Variants in CSMD3 observed in about 807,000 individuals in gnomAD.
CSMD3 encodes CUB and sushi domain-containing protein 3.
Under a neutral mutation model 435.2 loss-of-function variants are expected in CSMD3, and 177 were observed. The observed-to-expected ratio is 0.41, with a 90% CI of 0.36 to 0.46. CSMD3 has a LOEUF of 0.46. CSMD3 is among the 20% of genes least tolerant of loss of function. CSMD3 has a pLI of 0.34. For missense variants in CSMD3, 4,265 were observed against 4,504.6 expected, an observed-to-expected ratio of 0.95 and a Z score of 1.52; for synonymous variants, 1,656 against 1,520.5, an observed-to-expected ratio of 1.09 and a Z score of -2.07.
chr8:113,384,877 C>T (rs1250007572), intron 1 of CSMD3, among the ~76,000 whole-genome samples: 1 of 152,054 alleles, frequency 6.6e-6, no homozygotes, highest in Non-Finnish European at 1.5e-5. Flanking sequence ...TTGCAGAGTC[C>T]CAGCCTGGGC....
chr8:113,167,649 G>T (rs1214068409), intron 4 of CSMD3, among the ~76,000 whole-genome samples: 2 of 152,180 alleles, frequency 1.3e-5, no homozygotes, highest in African/African-American at 4.8e-5. Flanking sequence ...AGGGAGTGTT[G>T]AAGCAGCACC....
chr8:112,283,838 G>T (rs773034803), intron 58 of CSMD3, among the ~76,000 whole-genome samples: 1 of 151,504 alleles, frequency 6.6e-6, no homozygotes, highest in South Asian at 2.1e-4. Flanking sequence ...ATTTTAGTAG[G>T]GTGACTGTAA....
At chr8:113,217,955 A>G (rs1014880677) in intron 3 of CSMD3, among the ~76,000 whole-genome samples, 1 of 151,380 alleles carries the variant, frequency 6.6e-6, no homozygotes, top group African/African-American at 2.4e-5. Context: ...AAACTCAGCT[A>G]GAAAACAAAA....
chr8:112,474,408 T>A lies in CSMD3; in HGVS notation c.5279-1701A>T, dbSNP rs1442104721. On this transcript the variant is annotated intron_variant, in intron 31 of 70. Transcript: ENST00000297405. ...TATGACTATAAATTGGAGGGGAATG[T>A]ATAAAGTAGTTTGGAGATGCAAAGT... is the stretch of plus-strand genomic sequence containing the variant. Among the ~76,000 whole-genome samples, 3 of 152,104 alleles carry A rather than the reference T, an allele frequency of 2.0e-5. No homozygotes were observed. The East Asian group carries it at 5.8e-4, about 29-fold the overall frequency.
rs1297937058 is a variant in CSMD3, at chr8:113,395,602, C to A, written c.178+41075G>T. 2.6e-5 allele frequency among the ~76,000 whole-genome samples: 3 copies of A among 116,598 alleles called. No homozygotes were observed. In the South Asian group the frequency reaches 8.6e-4, roughly 33 times the overall value. 76.5% of individuals were successfully genotyped at this position (116,598 alleles called of 152,430 possible). ...CCAGCCTGGGTAACCGAGTGAGACTCCGTCTCAAAAAAAAAAAAAAAAAAA... is the reference window on the plus strand; with the variant it reads ...CCAGCCTGGGTAACCGAGTGAGACTACGTCTCAAAAAAAAAAAAAAAAAAA... On this transcript the variant is annotated intron_variant, in intron 1 of 70. Transcript: ENST00000297405.
chr8:112,780,780 G>A (rs554512158), intron 13 of CSMD3, among the ~76,000 whole-genome samples: 1 of 152,168 alleles, frequency 6.6e-6, no homozygotes, highest in East Asian at 1.9e-4. Flanking sequence ...ACCAATCCTG[G>A]CCAGAAGGGA....
chr8:112,276,916 C>T (rs1479366556), intron 59 of CSMD3, among the ~76,000 whole-genome samples: 1 of 151,882 alleles, frequency 6.6e-6, no homozygotes, highest in Admixed American at 6.6e-5. Context: ...GGATGCAGGG[C>T]ACCAAGTTCC....
chr8:112,418,172 G>C (rs961692790), intron 32 of CSMD3, among the ~76,000 whole-genome samples: 1 of 152,116 alleles, frequency 6.6e-6, no homozygotes, highest in Non-Finnish European at 1.5e-5. Context: ...TTCACTATGT[G>C]TGAAATCATA....
chr8:113,139,286 G>A (rs920232486), intron 4 of CSMD3, among the ~76,000 whole-genome samples: 2 of 150,784 alleles, frequency 1.3e-5, no homozygotes, highest in African/African-American at 2.4e-5. Flanking sequence ...ATAAATATAA[G>A]AGATTTTTCT....
chr8:113,432,266 T>A (rs1311112751), intron 1 of CSMD3, among the ~76,000 whole-genome samples: 1 of 152,198 alleles, frequency 6.6e-6, no homozygotes, highest in African/African-American at 2.4e-5. Flanking sequence ...TCAAGCCCTG[T>A]CAGTCCGGTA....
chr8:112,374,414 G>A (rs552468907), intron 38 of CSMD3, among the ~76,000 whole-genome samples: 1 of 151,496 alleles, frequency 6.6e-6, no homozygotes, highest in African/African-American at 2.4e-5. Context: ...TTAATTTAGG[G>A]CCACTGACTT....
At chr8:112,310,375 A>G (rs921219963) in intron 50 of CSMD3, 2 of 154,094 alleles carry the variant, frequency 1.3e-5, no homozygotes, top group Admixed American at 6.4e-5. Context: ...AAAACTCTAA[A>G]ACATGCAATT....
chr8:112,972,852 A>T (rs1273103199), intron 7 of CSMD3, among the ~76,000 whole-genome samples: 1 of 151,950 alleles, frequency 6.6e-6, no homozygotes, highest in Non-Finnish European at 1.5e-5. Flanking sequence ...GAAAATTTAT[A>T]GGGCTGATGA....
At chr8:112,717,072 A>T (rs2076748276) in intron 13 of CSMD3, among the ~76,000 whole-genome samples, 1 of 152,204 alleles carries the variant, frequency 6.6e-6, no homozygotes, top group Non-Finnish European at 1.5e-5. Flanking sequence ...GACAAATGGG[A>T]TCTAATTAAG....
intron 7 of CSMD3, among the ~76,000 whole-genome samples, chr8:112,959,214 T>C (rs2084141339): frequency 6.6e-6 from 1 of 152,056 alleles, no homozygotes; most frequent in Admixed American, 6.6e-5. Flanking sequence ...TTAGAAATAA[T>C]TAACTTTCAT....
intron 7 of CSMD3, among the ~76,000 whole-genome samples, chr8:112,960,799 G>T (rs1480083160): frequency 6.6e-6 from 1 of 151,674 alleles, no homozygotes; most frequent in Non-Finnish European, 1.5e-5. Flanking sequence ...TGATGGAACT[G>T]AACTAGTTAA....
Position 112,977,560 on chromosome 8 carries a change from A to G in CSMD3, c.1031-1412T>C, listed in dbSNP as rs368085611. 4.6e-5 allele frequency among the ~76,000 whole-genome samples: 7 copies of G among 152,034 alleles called. No individual in the cohort carries two copies. The East Asian group carries it at 1.3e-3, about 29-fold the overall frequency. On this transcript the variant is annotated intron_variant, in intron 6 of 70. Transcript: ENST00000297405. ...ATTCAAAAAGGAAGAAAGGAAGTCA[A>G]ACCTGGAGCCCCTCACTCACAGGCA...
chr8:112,639,502 C>T lies in CSMD3; in HGVS notation c.3311-591G>A, dbSNP rs112267913. 7.1e-3 allele frequency among the ~76,000 whole-genome samples: 1,074 copies of T among 152,196 alleles called. 9 individuals carry two copies. Among genetic ancestry groups the T allele is most frequent in the African/African-American group, 0.025 (1,027 of 41,538 alleles). On this transcript the variant is annotated intron_variant, in intron 20 of 70. Transcript: ENST00000297405. ...AGGTCAATAGTTTTCACAAATCGGACACCTTTGTAAATAGTATCCAAATCA... is the reference window on the plus strand; with the variant it reads ...AGGTCAATAGTTTTCACAAATCGGATACCTTTGTAAATAGTATCCAAATCA...
chr8:112,490,539 C>G (rs533590567), intron 31 of CSMD3, among the ~76,000 whole-genome samples: 15 of 152,094 alleles, frequency 9.9e-5, no homozygotes, highest in Non-Finnish European at 1.3e-4. Context: ...GTGTTCCTGA[C>G]TTTTTCACCT....
Sources: gnomAD v4.1 joint callset for allele counts (sites outside exome capture counted in the v4.1 genomes callset) on GRCh38, gnomAD v4.1.1 for gene constraint, MANE v1.5 for transcripts, NCBI Gene and HGNC (gene_info 2026-07-23, HGNC 2026-07-21) for gene names.